Variants in MLXIPL observed in about 807,000 individuals in gnomAD.
The protein encoded by MLXIPL is MLX interacting protein like.
MLXIPL carries 49 observed loss-of-function variants against 81.5 expected under a neutral mutation model. The observed-to-expected ratio is 0.60, with a 90% CI of 0.48 to 0.76. The LOEUF (loss-of-function observed/expected upper bound fraction) is 0.76. MLXIPL is among the 30% of genes least tolerant of loss of function. MLXIPL has a pLI of 0.00. For missense variants in MLXIPL, 1,053 were observed against 1,167.0 expected (o/e 0.90, Z 1.42); for synonymous variants, 466 against 485.5 (o/e 0.96, Z 0.53).
chr7:73,619,854 C>T (rs1225583476), intron 1 of MLXIPL, among the ~76,000 whole-genome samples: 3 of 151,474 alleles, frequency 2.0e-5, no homozygotes, highest in Non-Finnish European at 4.4e-5. Context: ...GGTGTGAACC[C>T]GGGAGGCAGA....
intron 1 of MLXIPL, among the ~76,000 whole-genome samples, chr7:73,616,848 C>CAAA (rs35467108): frequency 8.4e-4 from 43 of 51,236 alleles, no homozygotes; most frequent in African/African-American, 1.4e-3. Context: ...AACTCCGTCT[C>CAAA]AAAAAAAAAA....
At position 73,597,467 on chromosome 7, in the gene MLXIPL, C is replaced by T. The variant is rs977848786; in HGVS notation, c.1318G>A (p.Val440Ile). The T allele has an allele frequency of 6.1e-5, 84 of 1,384,012 alleles. No individual in the cohort carries two copies. Among genetic ancestry groups the T allele is most frequent in the Non-Finnish European group, 7.4e-5 (79 of 1,066,744 alleles). 85.7% of individuals were successfully genotyped at this position (1,384,012 alleles called of 1,614,324 possible). A position where few individuals can be genotyped will look rare whatever the true frequency, so the allele number is the denominator to read the frequency against. ...GGAGACACTCCTGGGGCAGGAGGGA[C>T]GGTGGGGAAGGGAAACCTGGGAGAG... ...LFSPRFPFPT[V>I]PPAPGVSPLP... The change falls in exon 9 of 17, where the codon GTC becomes ATC. Residue 440 changes from valine (V) to isoleucine (I), a missense_variant. This residue lies in a region of MLXIPL where 823 missense variants were observed against 933.0 expected (regional missense o/e 0.88). Coordinates refer to ENST00000313375, the MANE Select transcript of MLXIPL (RefSeq NM_032951.3).
At position 73,607,184 on chromosome 7, in the gene MLXIPL, G is replaced by A. The variant is rs782147434; in HGVS notation, c.573+147C>T. 6 of 1,241,128 alleles carry A rather than the reference G, an allele frequency of 4.8e-6. No individual in the cohort carries two copies. In the South Asian group the frequency reaches 8.0e-5, roughly 17 times the overall value. The allele number at this position is 1,241,128 out of a possible 1,614,324, so 76.9% of individuals were successfully genotyped here. ...CTAGGAGACGCTGTGGCCACACGGT[G>A]GCGCTGTCGGCCCGGGACTGAATGG... On this transcript the variant is annotated intron_variant, in intron 4 of 16. Coordinates refer to ENST00000313375, the MANE Select transcript of MLXIPL (RefSeq NM_032951.3).
chr7:73,612,395 C>T (rs1795743102), intron 2 of MLXIPL, among the ~76,000 whole-genome samples: 1 of 151,628 alleles, frequency 6.6e-6, no homozygotes, highest in East Asian at 1.9e-4. Flanking sequence ...AATCCCAGCA[C>T]TTTGGGAGGC....
upstream of MLXIPL, among the ~76,000 whole-genome samples, chr7:73,628,020 C>T (rs1796779923): frequency 6.6e-6 from 1 of 152,106 alleles, no homozygotes; most frequent in South Asian, 2.1e-4. Flanking sequence ...TGAGGTCTCA[C>T]TATATTCCCC....
rs72649014 is a variant in MLXIPL, at chr7:73,599,507, C to T, written c.1071+19G>A. On this transcript the variant is annotated intron_variant, in intron 8 of 16. Transcript: ENST00000313375. ...CTCAAGTGAGCTACACAGGGCTGGA[C>T]GGGGTGGGGTGAGCTCACCTGCAGA... 5.4e-5 allele frequency: 87 copies of T among 1,611,326 alleles called. No individual in the cohort carries two copies. The highest frequency in any genetic ancestry group is 2.8e-4 in the African/African-American group (21 of 74,628).
intron 7 of MLXIPL, among the ~76,000 whole-genome samples, chr7:73,602,491 G>A (rs1326113704): frequency 6.7e-6 from 1 of 150,108 alleles, no homozygotes; most frequent in Non-Finnish European, 1.5e-5. Flanking sequence ...GCCAATGAGG[G>A]GAAACCCCGT....
chr7:73,644,068 CT>C, the MLXIPL span, among the ~76,000 whole-genome samples: 2 of 152,032 alleles, frequency 1.3e-5, no homozygotes, highest in African/African-American at 4.8e-5. Context: ...CCATGCTTGG[CT>C]AATTTTTTTG....
chr7:73,615,605 GCCTGGTCT>G (rs1795960925), intron 2 of MLXIPL, among the ~76,000 whole-genome samples: 1 of 151,964 alleles, frequency 6.6e-6, no homozygotes. Context: ...GGTGCTGGGG[GCCTGGTCT>G]CCCCCTAAAA....
chr7:73,607,642 C>T lies in MLXIPL; in HGVS notation c.431G>A (p.Gly144Asp), dbSNP rs781947423. 115 of 1,613,386 alleles carry T rather than the reference C, an allele frequency of 7.1e-5. No individual in the cohort carries two copies. The highest frequency in any genetic ancestry group is 9.5e-5 in the Non-Finnish European group (112 of 1,180,006). The change falls in exon 3 of 17, where the codon GGC becomes GAC. Residue 144 changes from glycine to aspartate, a missense_variant. Physicochemically the swap from Gly to Asp is moderately conservative, Grantham distance 94 (BLOSUM62 -1). Around this residue, in one of 3 missense-constraint regions of MLXIPL, gnomAD observed 226 missense variants for 216.2 expected, o/e 1.05. Transcript: ENST00000313375. ...YVKRRKSPVCGFVTPLQGPEA... is the reference protein window; with the variant it reads ...YVKRRKSPVCDFVTPLQGPEA... ...AGGCCCCTGCAGGGGGGTCACGAAG[C>T]CACACACGGGGCTCTTCCTCCGCTT...
chr7:73,593,674 G>T lies in MLXIPL; in HGVS notation c.*191C>A. 1.7e-6 allele frequency: 1 copy of T among 597,326 alleles called. No homozygotes were observed. Among genetic ancestry groups the T allele is most frequent in the Admixed American group, 2.6e-5 (1 of 38,668 alleles). The allele number at this position is 597,326 out of a possible 1,614,324, so 37.0% of individuals were successfully genotyped here. A position where few individuals can be genotyped will look rare whatever the true frequency, so the allele number is the denominator to read the frequency against. ...GTGCTGGAGCACAGTGGCAGAGCAGGGACGGGGACTCTGCTCTTCTTGACC... is the reference window on the plus strand; with the variant it reads ...GTGCTGGAGCACAGTGGCAGAGCAGTGACGGGGACTCTGCTCTTCTTGACC... On this transcript the variant is annotated 3_prime_UTR_variant, in exon 17 of 17. Coordinates refer to ENST00000313375, the MANE Select transcript of MLXIPL (RefSeq NM_032951.3).
chr7:73,603,039 C>A (rs1388563743), intron 7 of MLXIPL, among the ~76,000 whole-genome samples: 1 of 152,202 alleles, frequency 6.6e-6, no homozygotes, highest in Non-Finnish European at 1.5e-5. Flanking sequence ...CTCCACGGAC[C>A]TGACCTGTCA....
chr7:73,638,035 C>T, the MLXIPL span, among the ~76,000 whole-genome samples: 1 of 152,268 alleles, frequency 6.6e-6, no homozygotes, highest in East Asian at 1.9e-4. Flanking sequence ...CCCCATTAAC[C>T]AAGCCCTGAG....
Position 73,597,586 on chromosome 7 carries a change from G to T in MLXIPL, c.1199C>A (p.Pro400His). 7.4e-7 allele frequency: 1 copy of T among 1,344,750 alleles called. No individual in the cohort carries two copies. Among genetic ancestry groups the T allele is most frequent in the Non-Finnish European group, 9.6e-7 (1 of 1,045,856 alleles). The allele number at this position is 1,344,750 out of a possible 1,614,324, so 83.3% of individuals were successfully genotyped here. ...CTCCAGGCCTGGCACCTTGGCAGGG[G>T]GAGGGTAATGCAGCAGAGGTGGGGG... is the stretch of plus-strand genomic sequence containing the variant. ...PVPPPLLHYP[P>H]PAKVPGLEPC... The change falls in exon 9 of 17, where the codon CCC becomes CAC. Residue 400 changes from proline (P) to histidine (H), a missense_variant. Around this residue, in one of 3 missense-constraint regions of MLXIPL, gnomAD observed 823 missense variants for 933.0 expected, o/e 0.88. Coordinates refer to ENST00000313375, the MANE Select transcript of MLXIPL (RefSeq NM_032951.3).
At chr7:73,646,987 CT>C in the MLXIPL span, among the ~76,000 whole-genome samples, 1 of 152,168 alleles carries the variant, frequency 6.6e-6, no homozygotes, top group South Asian at 2.1e-4. Flanking sequence ...TTCCGTTTTA[CT>C]CTGTCCCCAT....
intron 8 of MLXIPL, among the ~76,000 whole-genome samples, chr7:73,598,837 G>A (rs1238595230): frequency 6.6e-6 from 1 of 151,912 alleles, no homozygotes; most frequent in Non-Finnish European, 1.5e-5. Flanking sequence ...CTGCACCTGG[G>A]GGCCAGGTGT....
chr7:73,597,639 G>C lies in MLXIPL; in HGVS notation c.1146C>G (p.Pro382=). 7.2e-7 allele frequency: 1 copy of C among 1,386,328 alleles called. No homozygotes were observed. The highest frequency in any genetic ancestry group is 9.3e-7 in the Non-Finnish European group (1 of 1,073,544). The allele number at this position is 1,386,328 out of a possible 1,614,324, so 85.9% of individuals were successfully genotyped here. ...LSSDFLLPED[P]KPRLPPPPVP... is the part of the protein sequence containing the mutation. ...CAGGAGGGGGTGGGAGCCGGGGCTT[G>C]GGGTCTTCAGGAAGGAGGAAATCAG... The change falls in exon 9 of 17, where the codon CCC becomes CCG. Residue 382 remains proline, a synonymous_variant. Transcript: ENST00000313375.
At chr7:73,628,042 G>C (rs997499576), upstream of MLXIPL, among the ~76,000 whole-genome samples, 1 of 151,882 alleles carries the variant, frequency 6.6e-6, no homozygotes, top group African/African-American at 2.4e-5. Context: ...GGCTGGTCTC[G>C]AGCACCTGGG....
In MLXIPL at chr7:73,596,295, G is replaced by A; in HGVS notation, c.1939-23C>T. The A allele has an allele frequency of 6.2e-7, 1 of 1,613,074 alleles. No individual in the cohort carries two copies. The highest frequency in any genetic ancestry group is 1.1e-5 in the South Asian group (1 of 91,044). On this transcript the variant is annotated intron_variant, in intron 12 of 16. Transcript: ENST00000313375. The surrounding 1 kb of genome is among the most constrained non-coding windows in gnomAD (Gnocchi z 4.7). ...GGTCTCGGGGAGCAGAGAGTTGGGT[G>A]AGCCTAGGAAGGAGCCCAGGAGGGC...
Sources: allele counts gnomAD v4.1 joint callset (sites outside exome capture counted in the v4.1 genomes callset), GRCh38; gene constraint gnomAD v4.1.1; regional missense constraint gnomAD v4.1.1; non-coding constraint Gnocchi (gnomAD v3.1); transcripts MANE v1.5; gene names NCBI Gene and HGNC (gene_info 2026-07-23, HGNC 2026-07-21).